Variants in TMTC2 observed in about 807,000 individuals in gnomAD.
The protein encoded by TMTC2 is transmembrane O-mannosyltransferase targeting cadherins 2, also known as protein O-mannosyl-transferase TMTC2.
TMTC2 carries 43 observed loss-of-function variants against 82.4 expected under a neutral mutation model. The observed-to-expected ratio is 0.52, with a 90% CI of 0.41 to 0.67. TMTC2 has a LOEUF of 0.67. TMTC2 is among the 30% of genes least tolerant of loss of function. The probability of loss-of-function intolerance (pLI) is 0.00; values close to 1 mark genes in which losing one functional copy is unlikely to be tolerated. For missense variants in TMTC2, 919 were observed against 1,012.4 expected (o/e 0.91, Z 1.25); for synonymous variants, 408 against 381.9 (o/e 1.07, Z -0.80).
rs1175938862 is a variant in TMTC2 at position 82,691,546 on chromosome 12, A to G, written c.83+3877A>G. ...ATTTAAGTATATTAACAATTTTTTT[A>G]AAACCTGCATTCTTTCTAAAGATAT... On this transcript the variant is annotated intron_variant, in intron 1 of 11. Transcript: ENST00000321196. Among the ~76,000 whole-genome samples the G allele has an allele frequency of 2.6e-5, 4 of 152,262 alleles. 1 individual carries two copies. In the Middle Eastern group the frequency reaches 0.014, roughly 518 times the overall value.
At chr12:83,127,013 C>G (rs1019894011) in intron 11 of TMTC2, among the ~76,000 whole-genome samples, 1 of 152,058 alleles carries the variant, frequency 6.6e-6, no homozygotes, top group Admixed American at 6.6e-5. Flanking sequence ...ATTGGGCAAG[C>G]AATTTCAACT....
chr12:82,930,305 C>T (rs1875958934), intron 3 of TMTC2, 126 bp from the exon 4 acceptor site: 1 of 546,952 alleles, frequency 1.8e-6, no homozygotes, highest in Admixed American at 3.1e-5. Context: ...AAAGGAAATA[C>T]ATTTTCCTTC....
chr12:82,731,325 T>A (rs1874799001), intron 1 of TMTC2, among the ~76,000 whole-genome samples: 1 of 152,258 alleles, frequency 6.6e-6, no homozygotes, highest in Non-Finnish European at 1.5e-5. Flanking sequence ...CCAGAGTGTC[T>A]GGCCCTGTGG....
intron 3 of TMTC2, among the ~76,000 whole-genome samples, chr12:82,915,605 T>C (rs1298765544): frequency 1.3e-5 from 2 of 152,214 alleles, no homozygotes; most frequent in Non-Finnish European, 2.9e-5. Context: ...GTTTGGGCGA[T>C]AAAATTAAAA....
At chr12:82,774,172 C>A (rs1017210544) in intron 1 of TMTC2, among the ~76,000 whole-genome samples, 1 of 151,732 alleles carries the variant, frequency 6.6e-6, no homozygotes, top group Non-Finnish European at 1.5e-5. Flanking sequence ...TATACATATA[C>A]GCACATATAT....
In TMTC2 at chr12:82,857,628, T is replaced by TG. The variant is rs769412655; in HGVS notation, c.654+49dup. 1.5e-5 allele frequency: 23 copies of TG among 1,484,660 alleles called. No individual in the cohort carries two copies. In the Admixed American group the frequency reaches 2.4e-4, roughly 16 times the overall value. 92.0% of individuals were successfully genotyped at this position (1,484,660 alleles called of 1,614,324 possible). ...GCATTGGATTACTGAGTAATCTACT[T>TG]GCTTACTCCTTTGCCACCATTTAAA... On this transcript the variant is annotated intron_variant, in intron 2 of 11. Transcript: ENST00000321196.
At chr12:82,935,384 C>T (rs1876261693) in intron 4 of TMTC2, among the ~76,000 whole-genome samples, 1 of 152,030 alleles carries the variant, frequency 6.6e-6, no homozygotes, top group South Asian at 2.1e-4. Flanking sequence ...TTACTAAAAT[C>T]TGATATTTCA....
chr12:83,102,288 CA>C (rs1444647457), intron 11 of TMTC2, among the ~76,000 whole-genome samples: 3 of 152,118 alleles, frequency 2.0e-5, no homozygotes, highest in Non-Finnish European at 4.4e-5. Context: ...AAGAAAGGAA[CA>C]AATATATTTA....
chr12:82,720,992 A>G (rs1420147777), intron 1 of TMTC2, among the ~76,000 whole-genome samples: 1 of 152,242 alleles, frequency 6.6e-6, no homozygotes, highest in Admixed American at 6.5e-5. Flanking sequence ...TTTAGCTGTA[A>G]GTAGATCAAG....
intron 10 of TMTC2, among the ~76,000 whole-genome samples, chr12:83,055,080 G>A (rs927302418): frequency 6.6e-6 from 1 of 151,946 alleles, no homozygotes; most frequent in Non-Finnish European, 1.5e-5. Context: ...TTCAGGAGCT[G>A]TGCCACCATC....
chr12:82,837,782 C>G (rs1370384540), intron 1 of TMTC2, among the ~76,000 whole-genome samples: 2 of 152,134 alleles, frequency 1.3e-5, no homozygotes, highest in Non-Finnish European at 2.9e-5. Flanking sequence ...CAAAGTTGTG[C>G]TGCTTTATTG....
At chr12:83,098,000 A>G (rs985100772) in intron 11 of TMTC2, among the ~76,000 whole-genome samples, 5 of 152,230 alleles carry the variant, frequency 3.3e-5, no homozygotes, top group Non-Finnish European at 7.3e-5. Context: ...CTTAGATAAT[A>G]TGAGCATGAG....
intron 2 of TMTC2, among the ~76,000 whole-genome samples, chr12:82,865,118 G>A (rs946628605): frequency 4.6e-5 from 7 of 151,482 alleles, no homozygotes; most frequent in African/African-American, 1.5e-4. Context: ...CCAGCTACTC[G>A]GGAGGCTGAG....
At chr12:83,098,911 A>G (rs1271068681) in intron 11 of TMTC2, among the ~76,000 whole-genome samples, 1 of 152,136 alleles carries the variant, frequency 6.6e-6, no homozygotes, top group Non-Finnish European at 1.5e-5. Context: ...ATTAAATACC[A>G]TCTCTGTGTA....
intron 1 of TMTC2, among the ~76,000 whole-genome samples, chr12:82,785,804 G>T (rs1415824635): frequency 2.6e-5 from 4 of 152,080 alleles, no homozygotes; most frequent in African/African-American, 9.7e-5. Context: ...CCATGATTCA[G>T]AGATTATCCT....
intron 3 of TMTC2, among the ~76,000 whole-genome samples, chr12:82,905,989 G>T (rs1874283336): frequency 6.6e-6 from 1 of 150,978 alleles, no homozygotes; most frequent in Non-Finnish European, 1.5e-5. Context: ...AGTCAAAATT[G>T]TTTCAATTTT....
chr12:82,911,101 C>T (rs1874624048), intron 3 of TMTC2, among the ~76,000 whole-genome samples: 1 of 152,124 alleles, frequency 6.6e-6, no homozygotes, highest in Non-Finnish European at 1.5e-5. Flanking sequence ...AGGATGGTCT[C>T]TATCTCCTGA....
chr12:82,792,559 T>G (rs539400624), intron 1 of TMTC2, among the ~76,000 whole-genome samples: 28 of 152,118 alleles, frequency 1.8e-4, no homozygotes, highest in Admixed American at 1.8e-3. Context: ...CTCAACTTCC[T>G]GGGGTCAAGC....
intron 4 of TMTC2, among the ~76,000 whole-genome samples, chr12:82,956,746 A>C (rs1436761516): frequency 3.3e-5 from 5 of 152,118 alleles, no homozygotes; most frequent in African/African-American, 1.2e-4. Context: ...GAGCCACTGC[A>C]CCTGGCCAGG....
Sources: gnomAD v4.1 joint callset for allele counts (sites outside exome capture counted in the v4.1 genomes callset) on GRCh38, gnomAD v4.1.1 for gene constraint, MANE v1.5 for transcripts, NCBI Gene and HGNC (gene_info 2026-07-23, HGNC 2026-07-21) for gene names.